Variants in SHOC2 observed in about 807,000 individuals in gnomAD.
SHOC2 encodes the protein leucine-rich repeat protein SHOC-2.
Under a neutral mutation model 50.2 loss-of-function variants are expected in SHOC2, and 4 were observed. The ratio of observed to expected loss-of-function variants is 0.08; its 90% CI spans 0.04 to 0.18. The LOEUF is 0.18. Ranked by LOEUF, SHOC2 falls within the 10% of genes least tolerant of loss-of-function variation. The probability of loss-of-function intolerance (pLI) is 1.00; values close to 1 mark genes in which losing one functional copy is unlikely to be tolerated. For synonymous variants in SHOC2, 218 were observed against 244.5 expected (o/e 0.89, Z 1.01); for missense variants, 388 against 669.6 (o/e 0.58, Z 4.64).
intron 4 of SHOC2, among the ~76,000 whole-genome samples, chr10:111,002,317 A>G (rs928254300): frequency 2.0e-5 from 3 of 152,210 alleles, no homozygotes; most frequent in Admixed American, 1.3e-4. Context: ...AAAACAATAA[A>G]ATCCATTAGA....
In SHOC2 at chr10:110,964,729, A is replaced by G; in HGVS notation, c.371A>G (p.Gln124Arg). Residue 124 changes from glutamine to arginine, a missense_variant, in exon 2 of 9, where the codon CAA becomes CGA. Coordinates refer to ENST00000369452, the MANE Select transcript of SHOC2 (RefSeq NM_007373.4). This position sits in a 1 kb window ranked among gnomAD's most constrained non-coding sequence, Gnocchi z 4.9. Reference protein sequence around the residue: ...ILPSSIKELTQLTELYLYSNK... With the variant: ...ILPSSIKELTRLTELYLYSNK... ...CCATCATCAATCAAAGAGTTGACTC[A>G]ATTAACAGAACTTTATTTATACAGT... 1 of 1,614,158 alleles carries G rather than the reference A, an allele frequency of 6.2e-7. No homozygotes were observed. The highest frequency in any genetic ancestry group is 8.5e-7 in the Non-Finnish European group (1 of 1,179,978).
intron 1 of SHOC2, among the ~76,000 whole-genome samples, chr10:110,950,080 T>A (rs1847321626): frequency 6.6e-6 from 1 of 152,126 alleles, no homozygotes; most frequent in South Asian, 2.1e-4. Flanking sequence ...AGATAAAAGA[T>A]GTGGAAATCA....
At chr10:110,967,454 G>C (rs1847697717) in intron 2 of SHOC2, among the ~76,000 whole-genome samples, 1 of 152,022 alleles carries the variant, frequency 6.6e-6, no homozygotes, top group South Asian at 2.1e-4. Flanking sequence ...GGGAGGATTG[G>C]GTTTAACAGT....
chr10:110,933,672 A>G (rs909204763), intron 1 of SHOC2, among the ~76,000 whole-genome samples: 1 of 152,108 alleles, frequency 6.6e-6, no homozygotes, highest in African/African-American at 2.4e-5. Flanking sequence ...AGTGGCATGC[A>G]CCTGTAGTCC....
At position 111,004,595 on chromosome 10, in the gene SHOC2, T is replaced by G; in HGVS notation, c.973-11T>G. The G allele has an allele frequency of 6.3e-7, 1 of 1,593,784 alleles. No homozygotes were observed. Among genetic ancestry groups the G allele is most frequent in the Non-Finnish European group, 8.6e-7 (1 of 1,162,400 alleles). ...GTTCTAATTCTTATGTTTATTTCAT[T>G]TTTTTTACAGAGTCTTTTATCAAGT... is the stretch of plus-strand genomic sequence containing the variant. On this transcript the variant is annotated splice_polypyrimidine_tract_variant and intron_variant, in intron 4 of 8. Transcript: ENST00000369452.
intron 2 of SHOC2, among the ~76,000 whole-genome samples, chr10:110,978,512 C>A (rs1446892391): frequency 2.0e-5 from 3 of 152,150 alleles, no homozygotes; most frequent in African/African-American, 7.2e-5. Flanking sequence ...TCTTTACTCT[C>A]CTATGTTATA....
intron 1 of SHOC2, among the ~76,000 whole-genome samples, chr10:110,928,176 G>C (rs1846814103): frequency 6.6e-6 from 1 of 151,942 alleles, no homozygotes; most frequent in African/African-American, 2.4e-5. Flanking sequence ...AATTAGCTGG[G>C]TGCAGTGACG....
intron 2 of SHOC2, among the ~76,000 whole-genome samples, chr10:110,973,744 GT>G (rs1847825984): frequency 6.6e-6 from 1 of 151,824 alleles, no homozygotes; most frequent in African/African-American, 2.4e-5. Flanking sequence ...AGTTATTCAG[GT>G]TTTCTATTTG....
chr10:110,958,596 C>A (rs1414939806), intron 1 of SHOC2, among the ~76,000 whole-genome samples: 1 of 152,154 alleles, frequency 6.6e-6, no homozygotes, highest in Non-Finnish European at 1.5e-5. Context: ...TCATCTGAAA[C>A]CTTTGCTGTT....
chr10:110,951,248 T>C (rs77116780), intron 1 of SHOC2, among the ~76,000 whole-genome samples: 337 of 152,282 alleles, frequency 2.2e-3, no homozygotes, highest in African/African-American at 7.8e-3. Flanking sequence ...AAAGACAACA[T>C]ACAGTGTACA....
At chr10:110,952,863 TCATC>T (rs546612189) in intron 1 of SHOC2, among the ~76,000 whole-genome samples, 2 of 152,340 alleles carry the variant, frequency 1.3e-5, no homozygotes, top group East Asian at 3.9e-4. Context: ...GCTTCCAGCT[TCATC>T]CATGTTCCTG....
chr10:110,951,184 C>T (rs1847344778), intron 1 of SHOC2, among the ~76,000 whole-genome samples: 1 of 152,068 alleles, frequency 6.6e-6, no homozygotes, highest in Non-Finnish European at 1.5e-5. Context: ...CTCAATGATA[C>T]AAAAACAACC....
chr10:110,988,337 C>A (rs1416800708), intron 3 of SHOC2, among the ~76,000 whole-genome samples: 1 of 151,982 alleles, frequency 6.6e-6, no homozygotes, highest in Non-Finnish European at 1.5e-5. Flanking sequence ...CAGGACTTTT[C>A]TTTATGGGAA....
intron 1 of SHOC2, among the ~76,000 whole-genome samples, chr10:110,963,126 A>C (rs576660068): frequency 1.3e-5 from 2 of 152,330 alleles, no homozygotes; most frequent in South Asian, 4.1e-4. Context: ...CCTAGTACCA[A>C]ATAATTACCA....
chr10:110,945,248 A>G (rs1045353560), intron 1 of SHOC2, among the ~76,000 whole-genome samples: 2 of 152,206 alleles, frequency 1.3e-5, no homozygotes, highest in African/African-American at 4.8e-5. Flanking sequence ...TACGGTCAGC[A>G]TTGCAAATAG....
At chr10:110,988,855 C>T (rs1203446517) in intron 3 of SHOC2, 1 of 453,292 alleles carries the variant, frequency 2.2e-6, no homozygotes, top group East Asian at 7.1e-5. Flanking sequence ...CCCACAAATT[C>T]TGATATGTTG....
chr10:111,005,030 G>A (rs1848443231), intron 5 of SHOC2, among the ~76,000 whole-genome samples: 1 of 152,200 alleles, frequency 6.6e-6, no homozygotes, highest in African/African-American at 2.4e-5. Context: ...TGATGCACCT[G>A]TAATCCCAGT....
chr10:110,997,466 CT>C (rs1231781465), intron 3 of SHOC2, among the ~76,000 whole-genome samples: 2 of 152,042 alleles, frequency 1.3e-5, no homozygotes, highest in African/African-American at 2.4e-5. Context: ...TTTTCTTTCC[CT>C]TTTTTTGCAT....
chr10:110,956,647 GT>G (rs1209695471), intron 1 of SHOC2, among the ~76,000 whole-genome samples: 1 of 152,050 alleles, frequency 6.6e-6, no homozygotes, highest in Non-Finnish European at 1.5e-5. Context: ...CTTCTTACAT[GT>G]TAAAAAATGA....
Sources: gnomAD v4.1 joint callset for allele counts (sites outside exome capture counted in the v4.1 genomes callset) on GRCh38, gnomAD v4.1.1 for gene constraint, Gnocchi (gnomAD v3.1) non-coding constraint, MANE v1.5 for transcripts, NCBI Gene and HGNC (gene_info 2026-07-23, HGNC 2026-07-21) for gene names.